CABP1: variants seen among roughly 807,000 people sequenced by gnomAD.
The protein encoded by CABP1 is calcium-binding protein 1.
A neutral mutation model predicts 34.3 loss-of-function variants in CABP1; 17 were observed. That is an observed-to-expected ratio of 0.50 (90% CI 0.34 to 0.74). CABP1 has a LOEUF of 0.74. Among genes scored for constraint, CABP1 ranks in the 30% least tolerant of loss-of-function variants. The probability of loss-of-function intolerance (pLI) is 0.01; values close to 1 mark genes in which losing one functional copy is unlikely to be tolerated. For missense variants in CABP1, 373 were observed against 511.1 expected (o/e 0.73, Z 2.61); for synonymous variants, 198 against 229.2 (o/e 0.86, Z 1.23).
chr12:120,676,160 T>C, the CABP1 span, among the ~76,000 whole-genome samples: 358 of 152,306 alleles, frequency 2.4e-3, 1 homozygote, highest in African/African-American at 8.1e-3. Flanking sequence ...CCACTAGCCA[T>C]ATGTGACTAT....
the CABP1 span, among the ~76,000 whole-genome samples, chr12:120,679,073 CA>C: frequency 6.7e-4 from 58 of 87,080 alleles, no homozygotes; most frequent in South Asian, 5.4e-3. Context: ...ACACCATCTC[CA>C]AAAAAAAAAA....
In CABP1 at chr12:120,666,857, G is replaced by A. The variant is rs768773042; in HGVS notation, c.1088-18G>A. ...TCTGGCTGCTGCTTGCTCCCCAGCT[G>A]CTCCTCTACCCTTCTAGAGTTTGTC... On this transcript the variant is annotated intron_variant, in intron 5 of 5. Coordinates refer to ENST00000316803, the MANE Select transcript of CABP1 (RefSeq NM_001033677.2). The A allele has an allele frequency of 1.1e-5, 17 of 1,602,478 alleles. No homozygotes were observed. The South Asian group carries it at 1.3e-4, about 13-fold the overall frequency.
rs77289809 is a variant in CABP1, at chr12:120,661,996, C to G, written c.1087+778C>G. On this transcript the variant is annotated intron_variant, in intron 5 of 5. Transcript: ENST00000316803. This position sits in a 1 kb window ranked among gnomAD's most constrained non-coding sequence, Gnocchi z 5.1. ...TATACTTCCATTCACACATTCATGTCTCTTCGTCTGCATATACTTCTACCC... is the reference window on the plus strand; with the variant it reads ...TATACTTCCATTCACACATTCATGTGTCTTCGTCTGCATATACTTCTACCC... 11,075 of 152,300 alleles carry G rather than the reference C, an allele frequency of 0.073. 929 individuals are homozygous for G. Among genetic ancestry groups the G allele is most frequent in the African/African-American group, 0.2 (8,409 of 41,514 alleles). The allele number at this position is 152,300 out of a possible 1,614,324, so 9.4% of individuals were successfully genotyped here. A position where few individuals can be genotyped will look rare whatever the true frequency, so the allele number is the denominator to read the frequency against.
At chr12:120,658,760 C>G (rs1215822333) in intron 1 of CABP1, among the ~76,000 whole-genome samples, 1 of 152,168 alleles carries the variant, frequency 6.6e-6, no homozygotes, top group Non-Finnish European at 1.5e-5. Context: ...CTGTGGCATG[C>G]CTGCGTGTCT....
At chr12:120,657,210 T>C (rs896256143) in intron 1 of CABP1, among the ~76,000 whole-genome samples, 1 of 152,236 alleles carries the variant, frequency 6.6e-6, no homozygotes, top group Non-Finnish European at 1.5e-5. Context: ...TAGCCACATG[T>C]GGCTAGCGGC....
In CABP1 at chr12:120,666,915, C is replaced by T. The variant is rs1157214750; in HGVS notation, c.*15C>T. ...TGTCCCGCTGAGGCCGCGAGGGCCC[C>T]TCCAGGACTGCCAAGCTCCCAAAGG... On this transcript the variant is annotated 3_prime_UTR_variant, in exon 6 of 6. Coordinates refer to ENST00000316803, the MANE Select transcript of CABP1 (RefSeq NM_001033677.2). 2 of 1,601,724 alleles carry T rather than the reference C, an allele frequency of 1.2e-6. No individual in the cohort carries two copies. Among genetic ancestry groups the T allele is most frequent in the African/African-American group, 1.3e-5 (1 of 74,894 alleles).
the CABP1 span, among the ~76,000 whole-genome samples, chr12:120,675,126 C>T: frequency 6.7e-6 from 1 of 148,456 alleles, no homozygotes; most frequent in Non-Finnish European, 1.5e-5. Context: ...GATCTCGGCT[C>T]ACTGCAGCCT....
At chr12:120,656,106 A>C in intron 1 of CABP1, 1 of 1,614,136 alleles carries the variant, frequency 6.2e-7, no homozygotes, top group Non-Finnish European at 8.5e-7. Context: ...TGCCAGGAGG[A>C]ACAGACCAGC....
chr12:120,662,684 CTT>C (rs34243939), intron 5 of CABP1, among the ~76,000 whole-genome samples: 18,196 of 127,200 alleles, frequency 0.14, 1,240 homozygotes, highest in African/African-American at 0.16. Context: ...TTATCCTGTT[CTT>C]TTTTTTTTTT....
rs898043739 is a variant in CABP1 at position 120,667,262 on chromosome 12, C to T, written c.*362C>T. The T allele has an allele frequency of 1.5e-5, 6 of 402,072 alleles. No individual in the cohort carries two copies. The highest frequency in any genetic ancestry group is 1.8e-5 in the Non-Finnish European group (4 of 218,684). The allele number at this position is 402,072 out of a possible 1,614,324, so 24.9% of individuals were successfully genotyped here. ...GGCAAAGCCTCCCACCTTCGCTCTGCGCCCGTCCCAGCTCGCCTCAGCCCT... is the reference window on the plus strand; with the variant it reads ...GGCAAAGCCTCCCACCTTCGCTCTGTGCCCGTCCCAGCTCGCCTCAGCCCT... On this transcript the variant is annotated 3_prime_UTR_variant, in exon 6 of 6. Coordinates refer to ENST00000316803, the MANE Select transcript of CABP1 (RefSeq NM_001033677.2).
the CABP1 span, among the ~76,000 whole-genome samples, chr12:120,679,437 A>G: frequency 6.6e-6 from 1 of 152,234 alleles, no homozygotes; most frequent in Non-Finnish European, 1.5e-5. Context: ...TTTTGAGGTC[A>G]TTAAGAGCAT....
At chr12:120,655,818 AGTGCGTGC>A (rs201880849) in intron 1 of CABP1, 11 of 1,496,668 alleles carry the variant, frequency 7.3e-6, no homozygotes, top group African/African-American at 1.4e-5. Context: ...TGTATGTGCC[AGTGCGTGC>A]GTGCGTGTGT....
At chr12:120,664,040 T>C (rs1277680678) in intron 5 of CABP1, among the ~76,000 whole-genome samples, 1 of 152,184 alleles carries the variant, frequency 6.6e-6, no homozygotes, top group East Asian at 1.9e-4. Context: ...CGTGGATAGT[T>C]GGAGAGAAGG....
chr12:120,660,155 G>C lies in CABP1; in HGVS notation c.686-41G>C. ...GCCTTTGCCCACAGAGGCTCTGCGG[G>C]TCCTACCCCTGACCACATCCACCTT... On this transcript the variant is annotated intron_variant, in intron 2 of 5. Transcript: ENST00000316803. The surrounding 1 kb of genome is among the most constrained non-coding windows in gnomAD (Gnocchi z 5.0). 1 of 1,611,146 alleles carries C rather than the reference G, an allele frequency of 6.2e-7. No homozygotes were observed. Among genetic ancestry groups the C allele is most frequent in the East Asian group, 2.2e-5 (1 of 44,838 alleles).
the CABP1 span, among the ~76,000 whole-genome samples, chr12:120,674,561 A>G: frequency 6.6e-6 from 1 of 152,176 alleles, no homozygotes; most frequent in African/African-American, 2.4e-5. Flanking sequence ...GGGTCTGAGT[A>G]TCATGATTGA....
chr12:120,667,333 T>C (rs895482321), downstream of CABP1: 1 of 217,464 alleles, frequency 4.6e-6, no homozygotes, highest in African/African-American at 2.3e-5. Flanking sequence ...AAGACAGCCG[T>C]GATGGTCTTT....
chr12:120,677,455 G>A, the CABP1 span, among the ~76,000 whole-genome samples: 11 of 138,828 alleles, frequency 7.9e-5, no homozygotes, highest in African/African-American at 2.7e-4. Flanking sequence ...GGAGTACAGT[G>A]GTACGATCTT....
intron 5 of CABP1, among the ~76,000 whole-genome samples, chr12:120,663,495 C>T (rs1039962800): frequency 6.6e-6 from 1 of 151,082 alleles, no homozygotes; most frequent in African/African-American, 2.4e-5. Context: ...AGGCTGGTCT[C>T]GAACTCCTGG....
intron 1 of CABP1, among the ~76,000 whole-genome samples, chr12:120,648,146 A>G (rs4767925): frequency 0.12 from 18,826 of 152,112 alleles, 1,272 homozygotes; most frequent in South Asian, 0.16. Context: ...AGTGAGCACT[A>G]TTGTTTCAAA....
Sources: gnomAD v4.1 joint callset for allele counts (sites outside exome capture counted in the v4.1 genomes callset) on GRCh38, gnomAD v4.1.1 for gene constraint, Gnocchi (gnomAD v3.1) non-coding constraint, MANE v1.5 for transcripts, NCBI Gene and HGNC (gene_info 2026-07-23, HGNC 2026-07-21) for gene names.